Variants in ATXN10 observed in about 807,000 individuals in gnomAD.
ATXN10 encodes ataxin 10.
In ATXN10, 28 loss-of-function variants were observed where a neutral mutation model predicts 52.9. The ratio of observed to expected loss-of-function variants is 0.53; its 90% CI spans 0.39 to 0.73. The LOEUF is 0.73. Among genes scored for constraint, ATXN10 ranks in the 30% least tolerant of loss-of-function variants. The pLI is 0.00. For synonymous variants in ATXN10, 226 were observed against 221.5 expected, an observed-to-expected ratio of 1.02 and a Z score of -0.18; for missense variants, 565 against 577.0, an observed-to-expected ratio of 0.98 and a Z score of 0.21.
chr22:45,767,666 A>G (rs1002662908), intron 9 of ATXN10, among the ~76,000 whole-genome samples: 11 of 152,180 alleles, frequency 7.2e-5, no homozygotes, highest in African/African-American at 2.4e-4. Context: ...TACAAATACA[A>G]TCTCTTGAAA....
chr22:45,693,026 T>TTTGATTCTTCTGTTTCGGAAC lies in ATXN10; in HGVS notation c.356_357insGAACTTGATTCTTCTGTTTCG (p.Arg119_Glu120insAsnLeuIleLeuLeuPheArg). 1.2e-6 allele frequency: 2 copies of TTTGATTCTTCTGTTTCGGAAC among 1,614,170 alleles called. No individual in the cohort carries two copies. The highest frequency in any genetic ancestry group is 1.7e-6 in the Non-Finnish European group (2 of 1,180,008). On this transcript the variant is annotated inframe_insertion, in exon 3 of 12. Coordinates refer to ENST00000252934, the MANE Select transcript of ATXN10 (RefSeq NM_013236.4). Reference sequence around the variant, plus strand: ...TGGATACGATTGGTGTTGCTGTTGATTTGATTCTTCTGTTTCGTGAACTGC... The same window carrying TTTGATTCTTCTGTTTCGGAAC: ...TGGATACGATTGGTGTTGCTGTTGATTTGATTCTTCTGTTTCGGAACTTGATTCTTCTGTTTCGTGAACTGC...
chr22:45,679,669 C>T (rs1221381768), intron 1 of ATXN10: 2 of 152,358 alleles, frequency 1.3e-5, no homozygotes, highest in South Asian at 2.1e-4. Context: ...CGTTTTGACT[C>T]AACCATGATT....
rs1161000450 is a variant in ATXN10, at chr22:45,738,833, GTGAT to G, written c.1000_1003del (p.Asp335PhefsTer4). 3.1e-6 allele frequency: 5 copies of G among 1,612,850 alleles called. No individual in the cohort carries two copies. The highest frequency in any genetic ancestry group is 1.1e-5 in the South Asian group (1 of 91,052). ...GGTTTTCCCTGGCTTGCTGGAAAGA[GTGAT>G]TGGTGAGTGAAATATCACACATTGT... On this transcript the variant is annotated frameshift_variant and splice_region_variant, in exon 8 of 12. Coordinates refer to ENST00000252934, the MANE Select transcript of ATXN10 (RefSeq NM_013236.4). LOFTEE classifies it high-confidence loss of function.
At position 45,708,744 on chromosome 22, in the gene ATXN10, A is replaced by G. The variant is rs1444460026; in HGVS notation, c.647+5897A>G. Among the ~76,000 whole-genome samples, 1 of 152,062 alleles carries G rather than the reference A, an allele frequency of 6.6e-6. No homozygotes were observed. Among genetic ancestry groups the G allele is most frequent in the East Asian group, 1.9e-4 (1 of 5,184 alleles). On this transcript the variant is annotated intron_variant, in intron 5 of 11. Coordinates refer to ENST00000252934, the MANE Select transcript of ATXN10 (RefSeq NM_013236.4). The surrounding 1 kb of genome is among the most constrained non-coding windows in gnomAD (Gnocchi z 5.3). ...AACCTCTGCCTCCCGGGTTCAAGTG[A>G]TTCTCCCATCTCAGCCCCCTGAGTA...
At position 45,784,170 on chromosome 22, in the gene ATXN10, G is replaced by A. The variant is rs1391695111; in HGVS notation, c.1174-22789G>A. On this transcript the variant is annotated intron_variant, in intron 9 of 11. Coordinates refer to ENST00000252934, the MANE Select transcript of ATXN10 (RefSeq NM_013236.4). The surrounding 1 kb of genome is among the most constrained non-coding windows in gnomAD (Gnocchi z 4.2). ...GAAATAGTTACCTGCAATTTGTGTG[G>A]TACAATTTTTAAAAAAAAATGTACA... Among the ~76,000 whole-genome samples the A allele has an allele frequency of 1.3e-5, 2 of 151,870 alleles. No individual in the cohort carries two copies. The highest frequency in any genetic ancestry group is 2.9e-5 in the Non-Finnish European group (2 of 67,972).
Position 45,818,232 on chromosome 22 carries a change from C to A in ATXN10, c.1237+11210C>A, listed in dbSNP as rs566871318. Among the ~76,000 whole-genome samples, 1 of 152,194 alleles carries A rather than the reference C, an allele frequency of 6.6e-6. No homozygotes were observed. Among genetic ancestry groups the A allele is most frequent in the Non-Finnish European group, 1.5e-5 (1 of 68,038 alleles). On this transcript the variant is annotated intron_variant, in intron 10 of 11. Coordinates refer to ENST00000252934, the MANE Select transcript of ATXN10 (RefSeq NM_013236.4). This position sits in a 1 kb window ranked among gnomAD's most constrained non-coding sequence, Gnocchi z 4.6. ...CTGTGTCAGCACACTGGGAGTTTTA[C>A]AGTGTACGGATTGGCAGACAGCCTG... is the stretch of plus-strand genomic sequence containing the variant.
Position 45,688,115 on chromosome 22 carries a change from A to G in ATXN10, c.117-1597A>G, listed in dbSNP as rs1231420566. 6.6e-6 allele frequency among the ~76,000 whole-genome samples: 1 copy of G among 152,192 alleles called. No homozygotes were observed. Among genetic ancestry groups the G allele is most frequent in the Non-Finnish European group, 1.5e-5 (1 of 68,034 alleles). On this transcript the variant is annotated intron_variant, in intron 1 of 11. Transcript: ENST00000252934. This position sits in a 1 kb window ranked among gnomAD's most constrained non-coding sequence, Gnocchi z 4.0. Reference sequence around the variant, plus strand: ...TCTTCTTACGGCAATGCTGTCACTAAAAAATGGCTTATGTACTTGTTTCAT... The same window carrying G: ...TCTTCTTACGGCAATGCTGTCACTAGAAAATGGCTTATGTACTTGTTTCAT...
chr22:45,745,752 A>G (rs1004623234), intron 9 of ATXN10, among the ~76,000 whole-genome samples: 2 of 152,154 alleles, frequency 1.3e-5, no homozygotes, highest in Non-Finnish European at 2.9e-5. Flanking sequence ...AAATTTTTCT[A>G]ATTTTTCTTG....
chr22:45,793,710 C>G (rs770517747), intron 9 of ATXN10: 21 of 1,479,438 alleles, frequency 1.4e-5, no homozygotes, highest in Non-Finnish European at 1.9e-5. Context: ...CATGCTGAGG[C>G]CCTCTTGCCT....
chr22:45,753,499 G>A (rs938271768), intron 9 of ATXN10, among the ~76,000 whole-genome samples: 13 of 140,288 alleles, frequency 9.3e-5, no homozygotes, highest in African/African-American at 3.5e-4. Context: ...TCCGCCTCCC[G>A]GGATTAAGCG....
chr22:45,755,197 TAGTC>T (rs1323807753), intron 9 of ATXN10, among the ~76,000 whole-genome samples: 2 of 152,224 alleles, frequency 1.3e-5, no homozygotes, highest in Admixed American at 6.5e-5. Flanking sequence ...CCCATTCAGA[TAGTC>T]AGAGGTGTGG....
At chr22:45,713,268 G>T (rs755248205) in intron 5 of ATXN10, among the ~76,000 whole-genome samples, 2 of 152,026 alleles carry the variant, frequency 1.3e-5, no homozygotes, top group Non-Finnish European at 2.9e-5. Context: ...AACTGTTCAC[G>T]TACTTTAAAA....
At chr22:45,723,737 C>T (rs561906093) in intron 6 of ATXN10, among the ~76,000 whole-genome samples, 7 of 152,286 alleles carry the variant, frequency 4.6e-5, no homozygotes, top group Non-Finnish European at 1.0e-4. Context: ...AGTCAGATCA[C>T]TTGAGACCAG....
In ATXN10 at chr22:45,840,893, C is replaced by A. The variant is rs1182693478; in HGVS notation, c.1238-2098C>A. Among the ~76,000 whole-genome samples the A allele has an allele frequency of 6.6e-6, 1 of 152,224 alleles. No homozygotes were observed. The highest frequency in any genetic ancestry group is 2.4e-5 in the African/African-American group (1 of 41,456). On this transcript the variant is annotated intron_variant, in intron 10 of 11. Transcript: ENST00000252934. The surrounding 1 kb of genome is among the most constrained non-coding windows in gnomAD (Gnocchi z 5.8). ...CATGAACAAAAATTCCCCAGTCTTA[C>A]ATTTCTTGCTCCTTGAGTCAGTTCT...
intron 1 of ATXN10, chr22:45,672,685 C>G (rs1922515751): frequency 6.6e-6 from 1 of 152,552 alleles, no homozygotes. Flanking sequence ...GCTGCACCAT[C>G]TGCCCTGGGG....
chr22:45,696,883 G>A lies in ATXN10; in HGVS notation c.392-3399G>A, dbSNP rs1441832648. Among the ~76,000 whole-genome samples the A allele has an allele frequency of 6.6e-6, 1 of 152,210 alleles. No homozygotes were observed. Among genetic ancestry groups the A allele is most frequent in the Non-Finnish European group, 1.5e-5 (1 of 68,038 alleles). On this transcript the variant is annotated intron_variant, in intron 3 of 11. Coordinates refer to ENST00000252934, the MANE Select transcript of ATXN10 (RefSeq NM_013236.4). This position sits in a 1 kb window ranked among gnomAD's most constrained non-coding sequence, Gnocchi z 4.7. ...TTATGAACCAGTTTGTCATTGAGGA[G>A]TAAATTGGTTATTTGGTTGTTAGCT...
intron 9 of ATXN10, 89 bp downstream of exon 9, chr22:45,740,627 C>A: frequency 8.2e-7 from 1 of 1,216,428 alleles, no homozygotes; most frequent in Non-Finnish European, 1.2e-6. Flanking sequence ...GGAGTGAAAG[C>A]TTGAGGTGCT....
At chr22:45,695,456 T>A (rs1156614326) in intron 3 of ATXN10, among the ~76,000 whole-genome samples, 1 of 152,120 alleles carries the variant, frequency 6.6e-6, no homozygotes, top group Non-Finnish European at 1.5e-5. Context: ...ATATACAGTT[T>A]TAATGCCTGT....
rs1156270290 is a variant in ATXN10, at chr22:45,708,898, C to G, written c.647+6051C>G. ...TCAGGTGATCTCCCCGCCTGTCTCC[C>G]AAAGTGCTGGGATTACAGGCATGAG... On this transcript the variant is annotated intron_variant, in intron 5 of 11. Transcript: ENST00000252934. The surrounding 1 kb of genome is among the most constrained non-coding windows in gnomAD (Gnocchi z 5.3). 6.6e-6 allele frequency among the ~76,000 whole-genome samples: 1 copy of G among 152,192 alleles called. No homozygotes were observed. The highest frequency in any genetic ancestry group is 1.5e-5 in the Non-Finnish European group (1 of 68,026).
Sources: allele counts gnomAD v4.1 joint callset (sites outside exome capture counted in the v4.1 genomes callset), GRCh38; gene constraint gnomAD v4.1.1; non-coding constraint Gnocchi (gnomAD v3.1); transcripts MANE v1.5; gene names NCBI Gene and HGNC (gene_info 2026-07-23, HGNC 2026-07-21).